The following PIK3C2G variants were observed in gnomAD, a reference collection of about 807,000 sequenced individuals.
PIK3C2G encodes phosphatidylinositol 3-kinase C2 domain-containing subunit gamma.
PIK3C2G carries 168 observed loss-of-function variants against 181.1 expected under a neutral mutation model. The ratio of observed to expected loss-of-function variants is 0.93; its 90% CI spans 0.82 to 1.05. PIK3C2G has a LOEUF of 1.05. Ranked by LOEUF, PIK3C2G falls within the 50% of genes least tolerant of loss-of-function variation. The probability of loss-of-function intolerance (pLI) is 0.00; values close to 1 mark genes in which losing one functional copy is unlikely to be tolerated. For synonymous variants in PIK3C2G, 573 were observed against 592.2 expected (o/e 0.97, Z 0.47); for missense variants, 1,869 against 1,732.8 (o/e 1.08, Z -1.40).
intron 18 of PIK3C2G, among the ~76,000 whole-genome samples, chr12:18,436,845 C>T (rs577126148): frequency 2.0e-5 from 3 of 152,012 alleles, no homozygotes; most frequent in Non-Finnish European, 2.9e-5. Flanking sequence ...ACATTGATCC[C>T]GTTCATAGTG....
the PIK3C2G span, among the ~76,000 whole-genome samples, chr12:18,668,841 G>A: frequency 3.9e-5 from 6 of 152,198 alleles, no homozygotes; most frequent in Non-Finnish European, 4.4e-5. Context: ...GAATACACGA[G>A]TGCAGAAGGA....
At chr12:18,478,983 A>AT (rs1939281484) in intron 18 of PIK3C2G, among the ~76,000 whole-genome samples, 1 of 147,912 alleles carries the variant, frequency 6.8e-6, no homozygotes, top group African/African-American at 2.5e-5. Context: ...TCAAAAAAAA[A>AT]AAAATATATA....
At position 18,448,900 on chromosome 12, in the gene PIK3C2G, AAG is replaced by A. The variant is rs1392309603; in HGVS notation, c.2504+24862_2504+24863del. On this transcript the variant is annotated intron_variant, in intron 18 of 32. Coordinates refer to ENST00000538779, the MANE Select transcript of PIK3C2G (RefSeq NM_001288772.2). ...CCTCCCCAACCACTGATGGACACTT[AAG>A]TTGTTTTTATTTCTTGGCTATTATG... 9.3e-3 allele frequency among the ~76,000 whole-genome samples: 1,417 copies of A among 151,914 alleles called. 22 individuals carry two copies. The highest frequency in any genetic ancestry group is 0.033 in the African/African-American group (1,372 of 41,452).
chr12:18,673,501 A>G, the PIK3C2G span, among the ~76,000 whole-genome samples: 1 of 152,316 alleles, frequency 6.6e-6, no homozygotes, highest in South Asian at 2.1e-4. Context: ...GAACAAACGA[A>G]CAAGGCTAGA....
intron 18 of PIK3C2G, among the ~76,000 whole-genome samples, chr12:18,436,759 G>C (rs1156701710): frequency 6.6e-6 from 1 of 151,928 alleles, no homozygotes; most frequent in Non-Finnish European, 1.5e-5. Flanking sequence ...CTCTGGAATT[G>C]GGTGAAGTTG....
At chr12:18,483,679 AC>A (rs1427192246) in intron 18 of PIK3C2G, among the ~76,000 whole-genome samples, 1 of 152,032 alleles carries the variant, frequency 6.6e-6, no homozygotes, top group Non-Finnish European at 1.5e-5. Context: ...CCTCAGGGAT[AC>A]CCCCCGAGAA....
At chr12:18,337,350 C>T (rs1289979927) in intron 8 of PIK3C2G, among the ~76,000 whole-genome samples, 1 of 152,048 alleles carries the variant, frequency 6.6e-6, no homozygotes, top group African/African-American at 2.4e-5. Context: ...AGAATGGTGA[C>T]CATAAAATCG....
chr12:18,419,652 G>A (rs184081043), intron 16 of PIK3C2G, among the ~76,000 whole-genome samples: 17 of 152,112 alleles, frequency 1.1e-4, no homozygotes, highest in Admixed American at 5.2e-4. Context: ...AGTAGGTCTC[G>A]TTGCTAGAAT....
intron 24 of PIK3C2G, among the ~76,000 whole-genome samples, chr12:18,520,163 T>G (rs1163852927): frequency 1.2e-4 from 18 of 152,256 alleles, no homozygotes; most frequent in Non-Finnish European, 2.6e-4. Flanking sequence ...TTTCCTTCAT[T>G]TCAACCGTGG....
At chr12:18,560,871 A>T (rs1420178621) in intron 26 of PIK3C2G, among the ~76,000 whole-genome samples, 1 of 152,176 alleles carries the variant, frequency 6.6e-6, no homozygotes, top group African/African-American at 2.4e-5. Flanking sequence ...AGAAAGAGAA[A>T]CTTCCTTTAA....
At chr12:18,670,474 C>CA in the PIK3C2G span, among the ~76,000 whole-genome samples, 1 of 152,118 alleles carries the variant, frequency 6.6e-6, no homozygotes, top group East Asian at 1.9e-4. Context: ...AAGACAGCTT[C>CA]AACTACCCAA....
At chr12:18,351,953 C>T (rs938305274) in intron 11 of PIK3C2G, among the ~76,000 whole-genome samples, 20 of 152,108 alleles carry the variant, frequency 1.3e-4, no homozygotes, top group African/African-American at 4.3e-4. Flanking sequence ...TGGGCTTTGC[C>T]ATCTAGGTTT....
the PIK3C2G span, chr12:18,705,114 A>T: frequency 6.3e-7 from 1 of 1,594,288 alleles, no homozygotes. Flanking sequence ...TAACAGTGAC[A>T]TGTTTTCATG....
At chr12:18,410,559 T>TTGAG (rs1198854088) in intron 16 of PIK3C2G, among the ~76,000 whole-genome samples, 2 of 151,868 alleles carry the variant, frequency 1.3e-5, no homozygotes, top group Non-Finnish European at 2.9e-5. Flanking sequence ...TCCATTGGCT[T>TTGAG]TGAGGTGTCA....
intron 18 of PIK3C2G, among the ~76,000 whole-genome samples, chr12:18,473,997 G>A (rs1330582050): frequency 6.6e-6 from 1 of 152,082 alleles, no homozygotes; most frequent in East Asian, 1.9e-4. Context: ...AACATTTTTG[G>A]TAAAATGAGC....
chr12:18,404,789 T>C (rs1222587383), intron 16 of PIK3C2G, among the ~76,000 whole-genome samples: 7 of 152,266 alleles, frequency 4.6e-5, no homozygotes, highest in African/African-American at 1.4e-4. Context: ...TGGCATACCA[T>C]GGAATTTTGT....
intron 11 of PIK3C2G, among the ~76,000 whole-genome samples, chr12:18,354,165 C>G (rs756981083): frequency 6.6e-6 from 1 of 152,238 alleles, no homozygotes; most frequent in Non-Finnish European, 1.5e-5. Flanking sequence ...GGGTTAAATT[C>G]TGGAAAGCCT....
chr12:18,559,056 T>C (rs997993664), intron 26 of PIK3C2G, among the ~76,000 whole-genome samples: 1 of 152,174 alleles, frequency 6.6e-6, no homozygotes, highest in African/African-American at 2.4e-5. Flanking sequence ...TGCACAAATA[T>C]ATAGAGAAAG....
At chr12:18,375,821 G>C (rs577699447) in intron 13 of PIK3C2G, among the ~76,000 whole-genome samples, 1 of 152,228 alleles carries the variant, frequency 6.6e-6, no homozygotes, top group Non-Finnish European at 1.5e-5. Context: ...CCCACATCCA[G>C]GTGGCTCTGG....
Sources: allele counts gnomAD v4.1 joint callset (sites outside exome capture counted in the v4.1 genomes callset), GRCh38; gene constraint gnomAD v4.1.1; transcripts MANE v1.5; gene names NCBI Gene and HGNC (gene_info 2026-07-23, HGNC 2026-07-21).